The following FILIP1L variants were observed in gnomAD, a reference collection of about 807,000 sequenced individuals.
The protein encoded by FILIP1L is filamin A interacting protein 1 like.
Under a neutral mutation model 96.6 loss-of-function variants are expected in FILIP1L, and 55 were observed. The observed-to-expected ratio is 0.57, with a 90% confidence interval of 0.46 to 0.71. FILIP1L has a LOEUF of 0.71. Ranked by LOEUF, FILIP1L falls within the 30% of genes least tolerant of loss-of-function variation. The pLI, the probability that FILIP1L is intolerant of heterozygous loss-of-function variation, is 0.00. For synonymous variants in FILIP1L, 467 were observed against 473.9 expected (o/e 0.99, Z 0.19); for missense variants, 1,304 against 1,321.2 (o/e 0.99, Z 0.20).
At chr3:99,832,376 G>GCCC (rs1942702746) in intron 5 of FILIP1L, among the ~76,000 whole-genome samples, 1 of 150,762 alleles carries the variant, frequency 6.6e-6, no homozygotes, top group African/African-American at 2.4e-5. Context: ...GACCACAGGC[G>GCCC]ACCGCCACCA....
intron 1 of FILIP1L, among the ~76,000 whole-genome samples, chr3:99,953,147 T>C (rs1708225941): frequency 6.6e-6 from 1 of 152,244 alleles, no homozygotes; most frequent in Admixed American, 6.5e-5. Context: ...AAACAGCATA[T>C]GAAGTATTAA....
At chr3:99,945,126 C>T (rs140040713) in intron 1 of FILIP1L, among the ~76,000 whole-genome samples, 145 of 152,292 alleles carry the variant, frequency 9.5e-4, no homozygotes, top group African/African-American at 3.3e-3. Flanking sequence ...CTCCCTGATG[C>T]TTTTTGGTGG....
chr3:99,963,540 T>G (rs1708555467), intron 1 of FILIP1L, among the ~76,000 whole-genome samples: 1 of 152,138 alleles, frequency 6.6e-6, no homozygotes, highest in African/African-American at 2.4e-5. Context: ...AGCGGGATAT[T>G]TACATTTTGT....
At chr3:100,093,273 G>C (rs907716287) in intron 1 of FILIP1L, among the ~76,000 whole-genome samples, 2 of 152,002 alleles carry the variant, frequency 1.3e-5, no homozygotes, top group African/African-American at 4.8e-5. Flanking sequence ...GATGTCTTCT[G>C]TAACTTTTTA....
intron 4 of FILIP1L, among the ~76,000 whole-genome samples, chr3:99,915,234 T>A (rs1466172321): frequency 6.6e-6 from 1 of 152,182 alleles, no homozygotes; most frequent in Non-Finnish European, 1.5e-5. Flanking sequence ...TGATGAGAGA[T>A]TAATGGAAAA....
intron 4 of FILIP1L, among the ~76,000 whole-genome samples, chr3:99,885,887 A>T (rs1576547768): frequency 6.6e-6 from 1 of 152,332 alleles, no homozygotes; most frequent in Non-Finnish European, 1.5e-5. Flanking sequence ...TAGAATGGGG[A>T]ATCTATTTCC....
In FILIP1L at chr3:99,876,363, CT is replaced by C. The variant is rs1257359439; in HGVS notation, c.606-25294del. Among the ~76,000 whole-genome samples the C allele has an allele frequency of 5.9e-5, 9 of 152,044 alleles. No individual in the cohort carries two copies. The South Asian group carries it at 1.0e-3, about 18-fold the overall frequency. On this transcript the variant is annotated intron_variant, in intron 4 of 5. Coordinates refer to ENST00000477258, the MANE Select transcript of FILIP1L (RefSeq NM_001387850.1). ...CGTGTGAACGGACCGTGGTTCCCGG[CT>C]CCCAGCGGAGGGAATGAGTGGTGGG... is the stretch of plus-strand genomic sequence containing the variant.
intron 5 of FILIP1L, among the ~76,000 whole-genome samples, chr3:99,831,462 A>C (rs533886439): frequency 6.6e-6 from 1 of 152,308 alleles, no homozygotes; most frequent in African/African-American, 2.4e-5. Flanking sequence ...AGGAACACTA[A>C]ATTGTTTTAA....
intron 4 of FILIP1L, among the ~76,000 whole-genome samples, chr3:99,856,206 GTT>G (rs1470587299): frequency 6.6e-6 from 1 of 152,236 alleles, no homozygotes; most frequent in Non-Finnish European, 1.5e-5. Context: ...CCCCAGAGGG[GTT>G]TCCAACCCAG....
intron 1 of FILIP1L, among the ~76,000 whole-genome samples, chr3:100,010,570 A>G (rs532180332): frequency 5.9e-5 from 9 of 151,474 alleles, no homozygotes; most frequent in African/African-American, 2.2e-4. Context: ...GTTTCTATAC[A>G]TGTTGGCTAA....
At chr3:99,959,980 A>G (rs1026493787) in intron 1 of FILIP1L, among the ~76,000 whole-genome samples, 3 of 152,116 alleles carry the variant, frequency 2.0e-5, no homozygotes, top group African/African-American at 7.2e-5. Context: ...AAAAGATGGG[A>G]GTTAGGCCTA....
chr3:100,066,659 G>A (rs1424480948), intron 1 of FILIP1L, among the ~76,000 whole-genome samples: 1 of 125,998 alleles, frequency 7.9e-6, no homozygotes, highest in Non-Finnish European at 1.7e-5. Flanking sequence ...AGCCTCCCAA[G>A]TAGCTGGGAC....
At chr3:100,064,609 G>A (rs1188825676) in intron 1 of FILIP1L, among the ~76,000 whole-genome samples, 8 of 152,210 alleles carry the variant, frequency 5.3e-5, no homozygotes, top group Non-Finnish European at 1.2e-4. Context: ...AGGCCCTGGA[G>A]CAGAGGAAGG....
intron 1 of FILIP1L, among the ~76,000 whole-genome samples, chr3:99,957,349 A>G (rs1321583120): frequency 6.6e-6 from 1 of 152,148 alleles, no homozygotes; most frequent in Non-Finnish European, 1.5e-5. Context: ...AGTTGAAGAA[A>G]GCCAACCCAA....
chr3:99,946,777 C>T (rs1404269477), intron 1 of FILIP1L, among the ~76,000 whole-genome samples: 2 of 152,280 alleles, frequency 1.3e-5, no homozygotes, highest in Non-Finnish European at 1.5e-5. Context: ...GGGACTGCTT[C>T]TTCCAGTATG....
At chr3:99,867,052 T>C (rs954925922) in intron 4 of FILIP1L, among the ~76,000 whole-genome samples, 2 of 152,226 alleles carry the variant, frequency 1.3e-5, no homozygotes, top group Non-Finnish European at 2.9e-5. Flanking sequence ...CTGATCATAC[T>C]TCCTTTCCTG....
At chr3:100,018,680 A>G (rs74821406) in intron 1 of FILIP1L, among the ~76,000 whole-genome samples, 1,769 of 152,140 alleles carry the variant, frequency 0.012, 22 homozygotes, top group African/African-American at 0.026. Context: ...AGCACAGGCA[A>G]CTAAAGCAAG....
At position 99,924,662 on chromosome 3, in the gene FILIP1L, GC is replaced by G. The variant is rs1051261119; in HGVS notation, c.427-255del. Among the ~76,000 whole-genome samples the G allele has an allele frequency of 2.6e-5, 4 of 152,272 alleles. No homozygotes were observed. In the East Asian group the frequency reaches 7.7e-4, roughly 29 times the overall value. On this transcript the variant is annotated intron_variant, in intron 3 of 5. Coordinates refer to ENST00000477258, the MANE Select transcript of FILIP1L (RefSeq NM_001387850.1). ...GCCTCCCAAGTAGCTGGGATTACAG[GC>G]ATGCGCCACCATGCCCAACTAATTT...
intron 4 of FILIP1L, 50 bp from the exon 5 acceptor site, chr3:99,851,120 C>T (rs1285641247): frequency 7.2e-7 from 1 of 1,389,970 alleles, no homozygotes; most frequent in African/African-American, 1.4e-5. Context: ...TTTAGTAACT[C>T]ATCGAATGTA....
Sources: allele counts gnomAD v4.1 joint callset (sites outside exome capture counted in the v4.1 genomes callset), GRCh38; gene constraint gnomAD v4.1.1; transcripts MANE v1.5; gene names NCBI Gene and HGNC (gene_info 2026-07-23, HGNC 2026-07-21).